The following PCDH9 variants were observed in gnomAD, a reference collection of about 807,000 sequenced individuals.
PCDH9 encodes the protein protocadherin 9.
PCDH9 carries 24 observed loss-of-function variants against 70.6 expected under a neutral mutation model. The ratio of observed to expected loss-of-function variants is 0.34; its 90% CI spans 0.25 to 0.48. The LOEUF is 0.48. Ranked by LOEUF, PCDH9 falls within the 20% of genes least tolerant of loss-of-function variation. The pLI is 0.99. For synonymous variants in PCDH9, 562 were observed against 558.5 expected (o/e 1.01, Z -0.09); for missense variants, 1,281 against 1,503.6 (o/e 0.85, Z 2.45).
At chr13:66,737,654 C>T (rs530406835) in intron 3 of PCDH9, among the ~76,000 whole-genome samples, 11 of 152,144 alleles carry the variant, frequency 7.2e-5, no homozygotes, top group African/African-American at 9.7e-5. Context: ...GTGCACGAGC[C>T]GAAGCCGGGC....
chr13:66,972,264 T>C (rs567671681), intron 2 of PCDH9, among the ~76,000 whole-genome samples: 21 of 152,118 alleles, frequency 1.4e-4, no homozygotes, highest in African/African-American at 4.6e-4. Flanking sequence ...CATCATCTTC[T>C]GTGTTAAACA....
At position 66,862,131 on chromosome 13, in the gene PCDH9, C is replaced by T. The variant is rs917190914; in HGVS notation, c.3138+41373G>A. Among the ~76,000 whole-genome samples the T allele has an allele frequency of 1.2e-4, 18 of 152,280 alleles. No homozygotes were observed. The East Asian group carries it at 2.1e-3, about 18-fold the overall frequency. The stretch of plus-strand genomic sequence containing the variant: ...AGTATTAGCAGCATGGCTCTGTTAC[C>T]TTTACATTAGCTTTGTAGTCATTTA... On this transcript the variant is annotated intron_variant, in intron 3 of 4. Coordinates refer to ENST00000377865, the MANE Select transcript of PCDH9 (RefSeq NM_203487.3).
intron 2 of PCDH9, among the ~76,000 whole-genome samples, chr13:67,107,543 T>C (rs1000611121): frequency 5.9e-5 from 9 of 152,172 alleles, no homozygotes; most frequent in African/African-American, 2.2e-4. Flanking sequence ...ACTGCAGGTC[T>C]CCTCTCTCCT....
At chr13:66,886,551 T>C (rs576637963) in intron 3 of PCDH9, among the ~76,000 whole-genome samples, 1 of 152,258 alleles carries the variant, frequency 6.6e-6, no homozygotes, top group South Asian at 2.1e-4. Context: ...CTGTTCAAAC[T>C]GGGCATAAGC....
At chr13:66,970,508 T>C (rs2083501881) in intron 2 of PCDH9, among the ~76,000 whole-genome samples, 1 of 151,266 alleles carries the variant, frequency 6.6e-6, no homozygotes, top group Non-Finnish European at 1.5e-5. Context: ...GGTGTAGTGA[T>C]GCATGTGTGT....
At chr13:66,579,842 T>C (rs1206467609) in intron 4 of PCDH9, among the ~76,000 whole-genome samples, 4 of 152,068 alleles carry the variant, frequency 2.6e-5, no homozygotes, top group Middle Eastern at 3.2e-3. Flanking sequence ...ACAAAACTAG[T>C]GTTCTTAACT....
intron 2 of PCDH9, among the ~76,000 whole-genome samples, chr13:67,043,596 A>G (rs2085165324): frequency 6.6e-6 from 1 of 152,224 alleles, no homozygotes; most frequent in South Asian, 2.1e-4. Flanking sequence ...CTGAAATTAT[A>G]GATTAAAATA....
At chr13:67,195,452 TA>T (rs1205018004) in intron 2 of PCDH9, among the ~76,000 whole-genome samples, 1 of 152,138 alleles carries the variant, frequency 6.6e-6, no homozygotes, top group Non-Finnish European at 1.5e-5. Flanking sequence ...TTGAGATCTT[TA>T]AAAGTAACTG....
intron 2 of PCDH9, among the ~76,000 whole-genome samples, chr13:67,042,949 AAAC>A (rs1249184982): frequency 6.6e-6 from 1 of 152,200 alleles, no homozygotes; most frequent in East Asian, 1.9e-4. Context: ...TTGCCATACA[AAAC>A]AATAAATTAG....
At chr13:66,900,786 G>A (rs1004612908) in intron 3 of PCDH9, among the ~76,000 whole-genome samples, 1 of 151,464 alleles carries the variant, frequency 6.6e-6, no homozygotes, top group Non-Finnish European at 1.5e-5. Context: ...GTTTTCTACA[G>A]TTAAATATTT....
chr13:66,771,214 C>T (rs759986191), intron 3 of PCDH9, among the ~76,000 whole-genome samples: 2 of 152,188 alleles, frequency 1.3e-5, no homozygotes, highest in Non-Finnish European at 2.9e-5. Context: ...TCCTCAGTAG[C>T]TAGGACCATA....
At chr13:66,357,011 G>C (rs915191242) in intron 4 of PCDH9, among the ~76,000 whole-genome samples, 1 of 151,824 alleles carries the variant, frequency 6.6e-6, no homozygotes, top group East Asian at 1.9e-4. Context: ...ACCAGTGTGT[G>C]GGGGAAAAAA....
intron 2 of PCDH9, among the ~76,000 whole-genome samples, chr13:67,129,043 AAC>A (rs2087045606): frequency 6.6e-6 from 1 of 152,054 alleles, no homozygotes; most frequent in Admixed American, 6.6e-5. Context: ...TTTTTTACTT[AAC>A]ACCACCTTGG....
intron 4 of PCDH9, among the ~76,000 whole-genome samples, chr13:66,567,247 C>T (rs2076666387): frequency 6.6e-6 from 1 of 152,056 alleles, no homozygotes; most frequent in South Asian, 2.1e-4. Flanking sequence ...GCTTTTTTCC[C>T]AAGGAGTTCA....
intron 3 of PCDH9, among the ~76,000 whole-genome samples, chr13:66,901,854 G>A (rs2082281250): frequency 6.6e-6 from 1 of 151,568 alleles, no homozygotes; most frequent in African/African-American, 2.4e-5. Context: ...GATTTTCTGA[G>A]GAATATGGTT....
intron 4 of PCDH9, among the ~76,000 whole-genome samples, chr13:66,561,968 G>C (rs889449797): frequency 6.6e-6 from 1 of 151,824 alleles, no homozygotes; most frequent in African/African-American, 2.4e-5. Context: ...GAGCTGTAAC[G>C]CTCACCACAA....
chr13:66,641,828 A>G (rs1201209243), intron 3 of PCDH9, among the ~76,000 whole-genome samples: 8 of 152,306 alleles, frequency 5.3e-5, no homozygotes, highest in Admixed American at 1.3e-4. Context: ...ATAAAAAAAG[A>G]AAGTTACAAA....
chr13:66,875,638 A>T (rs1238959244), intron 3 of PCDH9, among the ~76,000 whole-genome samples: 1 of 152,202 alleles, frequency 6.6e-6, no homozygotes, highest in Non-Finnish European at 1.5e-5. Context: ...AAAAATTCCC[A>T]CTTACCATAA....
chr13:67,226,393 G>C lies in PCDH9; in HGVS notation c.2048C>G (p.Ser683Cys). Residue 683 changes from serine (S) to cysteine (C), a missense_variant, in exon 2 of 5, where the codon TCC becomes TGC. Transcript: ENST00000377865. This position sits in a 1 kb window ranked among gnomAD's most constrained non-coding sequence, Gnocchi z 5.0. The stretch of plus-strand genomic sequence containing the variant: ...GGCTGAGAGGGGCACCAACTTAAAG[G>C]AAGTATTAGACGGTGGAGAAATGAC... ...PVVISPPSNTSFKLVPLSAIP... is the reference protein window; with the variant it reads ...PVVISPPSNTCFKLVPLSAIP... 1 of 1,614,140 alleles carries C rather than the reference G, an allele frequency of 6.2e-7. No individual in the cohort carries two copies. Among genetic ancestry groups the C allele is most frequent in the South Asian group, 1.1e-5 (1 of 91,076 alleles).
Sources: allele counts gnomAD v4.1 joint callset (sites outside exome capture counted in the v4.1 genomes callset), GRCh38; gene constraint gnomAD v4.1.1; non-coding constraint Gnocchi (gnomAD v3.1); transcripts MANE v1.5; gene names NCBI Gene and HGNC (gene_info 2026-07-23, HGNC 2026-07-21).